Variants in GREM2 observed in about 807,000 individuals in gnomAD.
GREM2 encodes the protein gremlin-2.
A neutral mutation model predicts 14.2 loss-of-function variants in GREM2; 11 were observed. That is an observed-to-expected ratio of 0.78 (90% CI 0.49 to 1.28). The LOEUF (loss-of-function observed/expected upper bound fraction) is 1.28, where lower values mean the gene tolerates loss of function less well. GREM2 is among the 50% of genes most tolerant of loss of function. The pLI, the probability that GREM2 is intolerant of heterozygous loss-of-function variation, is 0.00. For synonymous variants in GREM2, 98 were observed against 97.6 expected (o/e 1.00, Z -0.02); for missense variants, 210 against 218.5 (o/e 0.96, Z 0.24).
rs537595347 is a variant in GREM2 at position 240,538,396 on chromosome 1, A to C, written c.-1-44920T>G. ...GATTTCACCTGCCTGCATTTGTATT[A>C]AAGACATGTAAAGACTTTCTAGAGG... On this transcript the variant is annotated intron_variant, in intron 1 of 1. Coordinates refer to ENST00000318160, the MANE Select transcript of GREM2 (RefSeq NM_022469.4). Among the ~76,000 whole-genome samples the C allele has an allele frequency of 1.3e-4, 20 of 152,242 alleles. No individual in the cohort carries two copies. The South Asian group carries it at 2.9e-3, about 22-fold the overall frequency.
At chr1:240,521,680 C>G (rs1262935883) in intron 1 of GREM2, among the ~76,000 whole-genome samples, 2 of 152,162 alleles carry the variant, frequency 1.3e-5, no homozygotes, top group African/African-American at 4.8e-5. Context: ...ATTTTCTATT[C>G]ACACTAGAGA....
chr1:240,563,858 T>C (rs1311079744), intron 1 of GREM2, among the ~76,000 whole-genome samples: 1 of 152,166 alleles, frequency 6.6e-6, no homozygotes. Context: ...ACTTTCTCTG[T>C]TTAGGGATGT....
intron 1 of GREM2, among the ~76,000 whole-genome samples, chr1:240,510,441 G>A (rs1677798735): frequency 6.8e-6 from 1 of 147,960 alleles, no homozygotes; most frequent in Non-Finnish European, 1.5e-5. Context: ...GGGACAGACT[G>A]CAGACTGCTG....
intron 1 of GREM2, among the ~76,000 whole-genome samples, chr1:240,600,597 C>T (rs947220166): frequency 1.3e-5 from 2 of 152,144 alleles, no homozygotes; most frequent in African/African-American, 2.4e-5. Context: ...AATTCTCCTA[C>T]CTCAGCCTCC....
In GREM2 at chr1:240,525,748, C is replaced by T. The variant is rs567445467; in HGVS notation, c.-1-32272G>A. 7.9e-5 allele frequency among the ~76,000 whole-genome samples: 12 copies of T among 152,140 alleles called. No individual in the cohort carries two copies. The South Asian group carries it at 2.5e-3, about 32-fold the overall frequency. ...CCCTCCTCGGCCTCCCAAAATGTTGCGATTACAGGCGTGAGCCACCGCGCC... is the reference window on the plus strand; with the variant it reads ...CCCTCCTCGGCCTCCCAAAATGTTGTGATTACAGGCGTGAGCCACCGCGCC... On this transcript the variant is annotated intron_variant, in intron 1 of 1. Transcript: ENST00000318160.
At chr1:240,522,382 C>G (rs565461160) in intron 1 of GREM2, among the ~76,000 whole-genome samples, 9 of 152,086 alleles carry the variant, frequency 5.9e-5, no homozygotes, top group Admixed American at 5.2e-4. Flanking sequence ...CTTGGCAAAG[C>G]AATTTTGGAA....
intron 1 of GREM2, among the ~76,000 whole-genome samples, chr1:240,507,596 A>G (rs1266724125): frequency 1.3e-5 from 2 of 152,114 alleles, no homozygotes; most frequent in East Asian, 1.9e-4. Context: ...GCCTCCCAAA[A>G]TGCTGAGATT....
At chr1:240,598,231 G>A (rs1051064003) in intron 1 of GREM2, among the ~76,000 whole-genome samples, 3 of 152,170 alleles carry the variant, frequency 2.0e-5, no homozygotes, top group Non-Finnish European at 4.4e-5. Context: ...TCTTGTTGTC[G>A]TTAAAGGGAC....
chr1:240,532,640 TATAGATAGATAG>T (rs199526145), intron 1 of GREM2, among the ~76,000 whole-genome samples: 6,226 of 104,200 alleles, frequency 0.06, 192 homozygotes, highest in East Asian at 0.14. Flanking sequence ...AAGAGATATA[TATAGATAGATAG>T]ATAGATAGAT....
At chr1:240,609,364 G>A (rs1680089399) in intron 1 of GREM2, among the ~76,000 whole-genome samples, 1 of 152,022 alleles carries the variant, frequency 6.6e-6, no homozygotes, top group Non-Finnish European at 1.5e-5. Context: ...GGTCAGTGTT[G>A]AGTCTGAGGA....
chr1:240,547,751 G>C (rs1042798593), intron 1 of GREM2, among the ~76,000 whole-genome samples: 7 of 151,860 alleles, frequency 4.6e-5, no homozygotes, highest in African/African-American at 1.7e-4. Context: ...TGGTAGTTTA[G>C]GGGGAAATCT....
At chr1:240,525,366 G>A (rs1490212325) in intron 1 of GREM2, among the ~76,000 whole-genome samples, 1 of 152,124 alleles carries the variant, frequency 6.6e-6, no homozygotes, top group African/African-American at 2.4e-5. Flanking sequence ...GGAGCCATGA[G>A]GGGCTTTTCT....
At chr1:240,539,642 A>T (rs769245945) in intron 1 of GREM2, among the ~76,000 whole-genome samples, 1 of 152,192 alleles carries the variant, frequency 6.6e-6, no homozygotes, top group Non-Finnish European at 1.5e-5. Context: ...TGGAACTCAT[A>T]ATCCATATAC....
chr1:240,563,812 A>C (rs1180205635), intron 1 of GREM2, among the ~76,000 whole-genome samples: 2 of 152,206 alleles, frequency 1.3e-5, no homozygotes, highest in Non-Finnish European at 2.9e-5. Context: ...TGGTTAAATA[A>C]AACCTATAGG....
At chr1:240,563,747 T>C (rs1187366044) in intron 1 of GREM2, among the ~76,000 whole-genome samples, 2 of 152,180 alleles carry the variant, frequency 1.3e-5, no homozygotes. Flanking sequence ...ACATTTCTAG[T>C]CCATCTCCCC....
intron 1 of GREM2, among the ~76,000 whole-genome samples, chr1:240,576,518 C>CT (rs887888580): frequency 3.7e-4 from 56 of 151,632 alleles, no homozygotes; most frequent in African/African-American, 1.2e-3. Flanking sequence ...CGTTACAAAA[C>CT]TTTTTTTTTA....
intron 1 of GREM2, among the ~76,000 whole-genome samples, chr1:240,498,209 T>C (rs911249312): frequency 4.6e-5 from 7 of 152,182 alleles, no homozygotes; most frequent in Admixed American, 3.9e-4. Flanking sequence ...TTTCAAAACA[T>C]CTGGCAATCA....
Position 240,491,075 on chromosome 1 carries a change from A to G in GREM2, c.*1894T>C, listed in dbSNP as rs956637153. The G allele has an allele frequency of 6.6e-6, 1 of 152,150 alleles. No individual in the cohort carries two copies. Among genetic ancestry groups the G allele is most frequent in the African/African-American group, 2.4e-5 (1 of 41,414 alleles). 9.4% of individuals were successfully genotyped at this position (152,150 alleles called of 1,614,324 possible). The stretch of plus-strand genomic sequence containing the variant: ...TCAGGCTGTATATACCCATTTATGA[A>G]ACCAAGACCCCCTCTGCCACAGCAC... On this transcript the variant is annotated 3_prime_UTR_variant, in exon 2 of 2. Coordinates refer to ENST00000318160, the MANE Select transcript of GREM2 (RefSeq NM_022469.4).
chr1:240,605,898 C>T (rs963722864), intron 1 of GREM2, among the ~76,000 whole-genome samples: 15 of 151,724 alleles, frequency 9.9e-5, no homozygotes, highest in Admixed American at 1.3e-4. Context: ...ATGTCTAAGT[C>T]GTAAATTTTT....
Sources: allele counts gnomAD v4.1 joint callset (sites outside exome capture counted in the v4.1 genomes callset), GRCh38; gene constraint gnomAD v4.1.1; transcripts MANE v1.5; gene names NCBI Gene and HGNC (gene_info 2026-07-23, HGNC 2026-07-21).